PDZRN4: variants seen among roughly 807,000 people sequenced by gnomAD.
PDZRN4 encodes PDZ domain containing ring finger 4, also known as PDZ domain-containing RING finger protein 4.
In PDZRN4, 70 loss-of-function variants were observed where a neutral mutation model predicts 99.0. The ratio of observed to expected loss-of-function variants is 0.71; its 90% CI spans 0.58 to 0.86. The LOEUF (loss-of-function observed/expected upper bound fraction) is 0.86. PDZRN4 is among the 40% of genes least tolerant of loss of function. PDZRN4 has a pLI of 0.00. For synonymous variants in PDZRN4, 551 were observed against 501.6 expected, an observed-to-expected ratio of 1.10 and a Z score of -1.32; for missense variants, 1,474 against 1,331.2, an observed-to-expected ratio of 1.11 and a Z score of -1.67.
At chr12:41,457,854 G>A (rs1238637233) in intron 3 of PDZRN4, among the ~76,000 whole-genome samples, 1 of 152,192 alleles carries the variant, frequency 6.6e-6, no homozygotes, top group African/African-American at 2.4e-5. Context: ...GATTCTAGGT[G>A]CAAGGCATTG....
Position 41,188,577 on chromosome 12 carries a change from G to A in PDZRN4, c.122G>A (p.Cys41Tyr), listed in dbSNP as rs936140484. The part of the protein sequence containing the change: ...TPCGHVFCAS[C>Y]LLPWAVRRRR... ...TGCGGGCACGTCTTCTGCGCCAGCT[G>A]CCTGTTGCCCTGGGCGGTGCGGAGG... The change falls in exon 1 of 10, where the codon TGC becomes TAC. Residue 41 changes from cysteine to tyrosine, a missense_variant. Physicochemically the swap from Cys to Tyr is radical, Grantham distance 194. Coordinates refer to ENST00000402685, the MANE Select transcript of PDZRN4 (RefSeq NM_001164595.2). The A allele has an allele frequency of 9.7e-6, 15 of 1,546,034 alleles. No individual in the cohort carries two copies. Among genetic ancestry groups the A allele is most frequent in the Non-Finnish European group, 1.3e-5 (15 of 1,152,834 alleles).
chr12:41,395,692 A>G (rs1952241305), intron 3 of PDZRN4, among the ~76,000 whole-genome samples: 1 of 152,144 alleles, frequency 6.6e-6, no homozygotes, highest in South Asian at 2.1e-4. Flanking sequence ...ACTATCTTCA[A>G]AGTATACCTA....
chr12:41,420,686 G>C (rs984936953), intron 3 of PDZRN4, among the ~76,000 whole-genome samples: 2 of 151,982 alleles, frequency 1.3e-5, no homozygotes, highest in African/African-American at 4.8e-5. Context: ...TTATTCTCTT[G>C]ACCCTTCATC....
chr12:41,450,629 G>T (rs1447090059), intron 3 of PDZRN4, among the ~76,000 whole-genome samples: 1 of 152,102 alleles, frequency 6.6e-6, no homozygotes, highest in African/African-American at 2.4e-5. Context: ...CAAACTTCAA[G>T]AATTCATTGA....
chr12:41,467,645 C>G (rs1952941217), intron 3 of PDZRN4, among the ~76,000 whole-genome samples: 1 of 152,204 alleles, frequency 6.6e-6, no homozygotes, highest in South Asian at 2.1e-4. Flanking sequence ...AACACATCCA[C>G]TCTTACCTTA....
At chr12:41,352,671 A>C (rs562946095) in intron 3 of PDZRN4, among the ~76,000 whole-genome samples, 213 of 152,238 alleles carry the variant, frequency 1.4e-3, no homozygotes, top group South Asian at 7.7e-3. Context: ...TTTTTATATG[A>C]ATGAGAAAGT....
At chr12:41,504,717 T>A (rs1938175157) in intron 3 of PDZRN4, among the ~76,000 whole-genome samples, 1 of 152,078 alleles carries the variant, frequency 6.6e-6, no homozygotes, top group Admixed American at 6.6e-5. Context: ...TGTCCACATA[T>A]CCTCATGTGC....
chr12:41,309,044 G>A (rs1951588865), intron 3 of PDZRN4, among the ~76,000 whole-genome samples: 1 of 151,870 alleles, frequency 6.6e-6, no homozygotes, highest in Non-Finnish European at 1.5e-5. Context: ...CAAAATGAGA[G>A]ACCTAGATTA....
At chr12:41,536,832 T>G (rs11180985) in intron 5 of PDZRN4, among the ~76,000 whole-genome samples, 25 of 152,212 alleles carry the variant, frequency 1.6e-4, no homozygotes, top group African/African-American at 5.8e-4. Flanking sequence ...TTTTGTCCTC[T>G]TAGTATTTAC....
intron 3 of PDZRN4, among the ~76,000 whole-genome samples, chr12:41,283,179 G>C (rs1476402126): frequency 6.6e-6 from 1 of 152,060 alleles, no homozygotes; most frequent in Non-Finnish European, 1.5e-5. Flanking sequence ...TGATAAAGGG[G>C]ATATGACCAC....
At chr12:41,357,388 TA>T (rs1172828073) in intron 3 of PDZRN4, among the ~76,000 whole-genome samples, 1 of 151,998 alleles carries the variant, frequency 6.6e-6, no homozygotes, top group East Asian at 1.9e-4. Context: ...CATGGAAAGT[TA>T]AGTAAATAGT....
At chr12:41,525,911 C>T (rs1938560021) in intron 5 of PDZRN4, among the ~76,000 whole-genome samples, 1 of 152,064 alleles carries the variant, frequency 6.6e-6, no homozygotes, top group Non-Finnish European at 1.5e-5. Context: ...TCCCTTTTCC[C>T]AAACATCGTA....
At chr12:41,479,365 G>T (rs1937638985) in intron 3 of PDZRN4, among the ~76,000 whole-genome samples, 1 of 152,118 alleles carries the variant, frequency 6.6e-6, no homozygotes, top group African/African-American at 2.4e-5. Flanking sequence ...ATGATACTAT[G>T]TATCCATTCA....
intron 3 of PDZRN4, among the ~76,000 whole-genome samples, chr12:41,339,405 A>G (rs1338766056): frequency 1.3e-5 from 2 of 152,084 alleles, no homozygotes; most frequent in African/African-American, 2.4e-5. Flanking sequence ...TCTTCTCACA[A>G]AATACAAACA....
chr12:41,361,003 T>C (rs1039944185), intron 3 of PDZRN4, among the ~76,000 whole-genome samples: 52 of 151,854 alleles, frequency 3.4e-4, no homozygotes, highest in African/African-American at 1.2e-3. Flanking sequence ...CACATGTACA[T>C]ACATGCATAT....
intron 3 of PDZRN4, among the ~76,000 whole-genome samples, chr12:41,275,869 G>C (rs1447131416): frequency 1.3e-5 from 2 of 152,144 alleles, no homozygotes; most frequent in Non-Finnish European, 2.9e-5. Flanking sequence ...AAATAATTTA[G>C]AGAAAATGTA....
At chr12:41,384,866 G>GGT (rs1952156497) in intron 3 of PDZRN4, among the ~76,000 whole-genome samples, 1 of 152,142 alleles carries the variant, frequency 6.6e-6, no homozygotes, top group South Asian at 2.1e-4. Flanking sequence ...GATTAAAGGT[G>GGT]GTGTATGCTA....
Position 41,523,507 on chromosome 12 carries a change from C to T in PDZRN4, c.1203+13594C>T, listed in dbSNP as rs1938525379. Among the ~76,000 whole-genome samples, 3 of 152,230 alleles carry T rather than the reference C, an allele frequency of 2.0e-5. No individual in the cohort carries two copies. The East Asian group carries it at 5.8e-4, about 29-fold the overall frequency. On this transcript the variant is annotated intron_variant, in intron 5 of 9. Transcript: ENST00000402685. Reference sequence around the variant, plus strand: ...TTTAAGTGTTAGTTGGAGCCTGTGACTTCACACATTGCTCAGCAAATATTT... The same window carrying T: ...TTTAAGTGTTAGTTGGAGCCTGTGATTTCACACATTGCTCAGCAAATATTT...
At chr12:41,207,460 A>G (rs1261529181) in intron 3 of PDZRN4, among the ~76,000 whole-genome samples, 1 of 151,846 alleles carries the variant, frequency 6.6e-6, no homozygotes, top group Non-Finnish European at 1.5e-5. Flanking sequence ...ATATTATTCT[A>G]GGCATATTTA....
Sources: gnomAD v4.1 joint callset for allele counts (sites outside exome capture counted in the v4.1 genomes callset) on GRCh38, gnomAD v4.1.1 for gene constraint, MANE v1.5 for transcripts, NCBI Gene and HGNC (gene_info 2026-07-23, HGNC 2026-07-21) for gene names.